Variants in CNTLN observed in about 807,000 individuals in gnomAD.
CNTLN encodes the protein centlein, also known as centlein, centrosomal protein.
In CNTLN, 212 loss-of-function variants were observed where a neutral mutation model predicts 180.0. The ratio of observed to expected loss-of-function variants is 1.18; its 90% CI spans 1.05 to 1.32. The LOEUF is 1.32. Ranked by LOEUF, CNTLN falls within the 40% of genes most tolerant of loss-of-function variation. CNTLN has a pLI of 0.00. For synonymous variants in CNTLN, 722 were observed against 563.1 expected (o/e 1.28, Z -3.99); for missense variants, 2,095 against 1,610.9 (o/e 1.30, Z -5.14).
rs1190445263 is a variant in CNTLN at position 17,317,538 on chromosome 9, C to T, written c.1341+8286C>T. On this transcript the variant is annotated intron_variant, in intron 8 of 25. Coordinates refer to ENST00000380647, the MANE Select transcript of CNTLN (RefSeq NM_017738.4). The stretch of plus-strand genomic sequence containing the variant: ...CCTTTGTGCTCATGGAGCATACATT[C>T]AGGTCAGAGGGTTACCATCTGATAA... 5.3e-5 allele frequency among the ~76,000 whole-genome samples: 8 copies of T among 151,302 alleles called. No individual in the cohort carries two copies. In the Admixed American group the frequency reaches 5.3e-4, roughly 10 times the overall value.
intron 18 of CNTLN, among the ~76,000 whole-genome samples, chr9:17,449,347 C>T (rs1250914141): frequency 2.7e-5 from 4 of 150,240 alleles, no homozygotes; most frequent in Admixed American, 6.6e-5. Context: ...TCAATTCCCA[C>T]CTATGAGTGA....
chr9:17,490,845 C>A (rs1158601433), intron 25 of CNTLN, among the ~76,000 whole-genome samples: 3 of 151,908 alleles, frequency 2.0e-5, no homozygotes, highest in Non-Finnish European at 4.4e-5. Context: ...GTGTTGTGCC[C>A]CCCACCAATA....
intron 3 of CNTLN, among the ~76,000 whole-genome samples, chr9:17,230,009 GAA>G (rs1426824622): frequency 6.6e-6 from 1 of 152,136 alleles, no homozygotes; most frequent in African/African-American, 2.4e-5. Flanking sequence ...TAATTGAGCT[GAA>G]AAAAATTCAC....
chr9:17,427,485 A>G (rs1829164174), intron 18 of CNTLN, among the ~76,000 whole-genome samples: 1 of 152,096 alleles, frequency 6.6e-6, no homozygotes, highest in Non-Finnish European at 1.5e-5. Flanking sequence ...TTCATGAGTA[A>G]AGAGTACAGT....
At chr9:17,302,136 A>T in intron 7 of CNTLN, 1 of 978,162 alleles carries the variant, frequency 1.0e-6, no homozygotes, top group Non-Finnish European at 1.2e-6. Context: ...ACACACACTG[A>T]CCTATCCACC....
At chr9:17,443,542 G>A (rs554915685) in intron 18 of CNTLN, among the ~76,000 whole-genome samples, 2 of 152,168 alleles carry the variant, frequency 1.3e-5, no homozygotes, top group African/African-American at 4.8e-5. Flanking sequence ...GAAAGGTAAG[G>A]GAAAAATAAA....
chr9:17,224,673 A>G (rs537815233), intron 2 of CNTLN, among the ~76,000 whole-genome samples: 1 of 151,988 alleles, frequency 6.6e-6, no homozygotes, highest in East Asian at 1.9e-4. Flanking sequence ...AGTGATTATA[A>G]TTTTTTATCT....
intron 20 of CNTLN, 92 bp downstream of exon 20, chr9:17,463,105 C>T (rs1174385142): frequency 1.3e-5 from 9 of 679,772 alleles, no homozygotes; most frequent in African/African-American, 9.6e-5. Context: ...CTAATGTTTA[C>T]GTTTTCCTTC....
the CNTLN span, among the ~76,000 whole-genome samples, chr9:17,516,898 A>G: frequency 6.6e-6 from 1 of 152,204 alleles, no homozygotes; most frequent in Non-Finnish European, 1.5e-5. Flanking sequence ...ACAGTGCCTG[A>G]CACATAGTAA....
intron 16 of CNTLN, among the ~76,000 whole-genome samples, chr9:17,409,990 C>G (rs1006141341): frequency 3.3e-5 from 5 of 152,058 alleles, no homozygotes; most frequent in Admixed American, 3.3e-4. Flanking sequence ...AAGTTCATTT[C>G]TATTTTGTTG....
At chr9:17,235,883 T>G in intron 4 of CNTLN, 91 bp downstream of exon 4, 1 of 1,421,200 alleles carries the variant, frequency 7.0e-7, no homozygotes, top group South Asian at 1.4e-5. Context: ...AAGTGACAGA[T>G]TTGGAGGAAA....
the CNTLN span, among the ~76,000 whole-genome samples, chr9:17,515,564 C>G: frequency 1.3e-5 from 2 of 152,134 alleles, no homozygotes; most frequent in African/African-American, 4.8e-5. Flanking sequence ...TCACTCCCCC[C>G]AGTCAGTAAG....
intron 5 of CNTLN, among the ~76,000 whole-genome samples, chr9:17,236,847 C>T (rs1445897898): frequency 2.0e-5 from 3 of 152,062 alleles, no homozygotes; most frequent in African/African-American, 4.8e-5. Flanking sequence ...AATGTGTTTT[C>T]AAATAACATA....
At chr9:17,284,152 G>T (rs946631385) in intron 6 of CNTLN, among the ~76,000 whole-genome samples, 8 of 152,162 alleles carry the variant, frequency 5.3e-5, no homozygotes, top group Non-Finnish European at 1.2e-4. Flanking sequence ...CTCCTGAGTA[G>T]CTGGGATTAC....
chr9:17,412,688 T>C (rs771577060), intron 16 of CNTLN, among the ~76,000 whole-genome samples: 1 of 152,232 alleles, frequency 6.6e-6, no homozygotes, highest in Non-Finnish European at 1.5e-5. Context: ...TAAGCTATGA[T>C]GTTTGGTAGG....
intron 20 of CNTLN, among the ~76,000 whole-genome samples, chr9:17,464,284 A>G (rs1831616288): frequency 6.6e-6 from 1 of 151,370 alleles, no homozygotes; most frequent in Admixed American, 6.6e-5. Flanking sequence ...ATGTAATTAT[A>G]TAATTACCAA....
chr9:17,407,386 A>G (rs1827475785), intron 15 of CNTLN, among the ~76,000 whole-genome samples: 2 of 152,210 alleles, frequency 1.3e-5, no homozygotes, highest in Non-Finnish European at 2.9e-5. Context: ...ACCTTTTAAA[A>G]TAGAATTACA....
chr9:17,464,985 T>G (rs1831663288), intron 21 of CNTLN, among the ~76,000 whole-genome samples: 1 of 151,246 alleles, frequency 6.6e-6, no homozygotes, highest in Admixed American at 6.6e-5. Context: ...TACCTATAAC[T>G]ATCAGAAGTT....
In CNTLN at chr9:17,236,432, C is replaced by T. The variant is rs1304908256; in HGVS notation, c.693C>T (p.Asn231=). The T allele has an allele frequency of 6.2e-7, 1 of 1,612,606 alleles. No homozygotes were observed. Among genetic ancestry groups the T allele is most frequent in the African/African-American group, 1.3e-5 (1 of 74,846 alleles). The change falls in exon 5 of 26, where the codon AAC becomes AAT. Residue 231 remains asparagine, a synonymous_variant. Transcript: ENST00000380647. ...AGGACACTAAGGAGTGTGTACAGAACAAAGAAGAGCAAAACAGACTAGTTA... is the reference window on the plus strand; with the variant it reads ...AGGACACTAAGGAGTGTGTACAGAATAAAGAAGAGCAAAACAGACTAGTTA... The part of the protein sequence containing the change: ...EIKDTKECVQ[N]KEEQNRLVIK...
Sources: gnomAD v4.1 joint callset for allele counts (sites outside exome capture counted in the v4.1 genomes callset) on GRCh38, gnomAD v4.1.1 for gene constraint, MANE v1.5 for transcripts, NCBI Gene and HGNC (gene_info 2026-07-23, HGNC 2026-07-21) for gene names.